The following ADGRL2 variants were observed in gnomAD, a reference collection of about 807,000 sequenced individuals.
ADGRL2 encodes the protein calcium-independent alpha-latrotoxin receptor 2.
Under a neutral mutation model 157.4 loss-of-function variants are expected in ADGRL2, and 44 were observed. The ratio of observed to expected loss-of-function variants is 0.28; its 90% CI spans 0.22 to 0.36. The LOEUF (loss-of-function observed/expected upper bound fraction) is 0.36, where lower values mean the gene tolerates loss of function less well. Ranked by LOEUF, ADGRL2 falls within the 10% of genes least tolerant of loss-of-function variation. ADGRL2 has a pLI of 1.00. For synonymous variants in ADGRL2, 585 were observed against 624.7 expected (o/e 0.94, Z 0.95); for missense variants, 1,510 against 1,768.9 (o/e 0.85, Z 2.63).
chr1:81,367,704 C>T (rs1293613655), intron 1 of ADGRL2, among the ~76,000 whole-genome samples: 1 of 152,180 alleles, frequency 6.6e-6, no homozygotes, highest in Non-Finnish European at 1.5e-5. Flanking sequence ...AGGCATGTGC[C>T]ACCACACCCA....
intron 2 of ADGRL2, among the ~76,000 whole-genome samples, chr1:81,899,504 A>G (rs561336738): frequency 2.0e-5 from 3 of 152,256 alleles, no homozygotes; most frequent in East Asian, 1.9e-4. Context: ...GGGGGGAAAA[A>G]CTGTCTTTTC....
At chr1:81,539,740 C>T (rs889081595) in intron 2 of ADGRL2, among the ~76,000 whole-genome samples, 2 of 151,862 alleles carry the variant, frequency 1.3e-5, no homozygotes, top group African/African-American at 4.8e-5. Context: ...CTACGATTTC[C>T]ATTTCAGAGA....
chr1:81,321,864 G>C (rs1660526110), intron 1 of ADGRL2, among the ~76,000 whole-genome samples: 1 of 151,052 alleles, frequency 6.6e-6, no homozygotes. Context: ...TAGACTTGCT[G>C]GACCAAAGTT....
chr1:81,865,287 A>G (rs1475705138), intron 2 of ADGRL2, among the ~76,000 whole-genome samples: 8 of 152,180 alleles, frequency 5.3e-5, no homozygotes, highest in Admixed American at 3.3e-4. Context: ...GAGTTGATGA[A>G]TGACAGCCAT....
intron 2 of ADGRL2, among the ~76,000 whole-genome samples, chr1:81,779,400 T>C (rs1433062978): frequency 1.3e-5 from 2 of 152,184 alleles, no homozygotes; most frequent in Non-Finnish European, 2.9e-5. Flanking sequence ...CTTTCTCTTT[T>C]TCATGAATGA....
At chr1:81,422,187 CT>C (rs33976349) in intron 1 of ADGRL2, among the ~76,000 whole-genome samples, 32,896 of 151,632 alleles carry the variant, frequency 0.22, 4,588 homozygotes, top group Non-Finnish European at 0.31. Flanking sequence ...TCTCAAACTT[CT>C]TTTTTTTTTA....
At chr1:81,597,104 GA>G (rs1286454379) in intron 3 of ADGRL2, among the ~76,000 whole-genome samples, 4 of 152,128 alleles carry the variant, frequency 2.6e-5, no homozygotes, top group Admixed American at 2.0e-4. Flanking sequence ...TTCTTCCTGA[GA>G]AAAGTATGTA....
chr1:81,319,173 C>G (rs2100606208), intron 1 of ADGRL2, among the ~76,000 whole-genome samples: 1 of 151,678 alleles, frequency 6.6e-6, no homozygotes, highest in South Asian at 2.1e-4. Context: ...TCTTGAACTC[C>G]CGACCTCAAG....
intron 2 of ADGRL2, among the ~76,000 whole-genome samples, chr1:81,558,918 C>G (rs2080376898): frequency 6.6e-6 from 1 of 152,168 alleles, no homozygotes; most frequent in Non-Finnish European, 1.5e-5. Context: ...GGCATTTGAA[C>G]TGGCTCACAA....
chr1:81,509,876 A>G (rs1251678068), intron 2 of ADGRL2, among the ~76,000 whole-genome samples: 1 of 152,188 alleles, frequency 6.6e-6, no homozygotes, highest in African/African-American at 2.4e-5. Context: ...AGTGAAATAC[A>G]TGCTCAGGAC....
At chr1:81,615,336 G>A (rs546053766) in intron 3 of ADGRL2, among the ~76,000 whole-genome samples, 89 of 152,314 alleles carry the variant, frequency 5.8e-4, no homozygotes, top group Admixed American at 1.7e-3. Context: ...AGCCAGCAGC[G>A]GCAACCCACT....
intron 2 of ADGRL2, among the ~76,000 whole-genome samples, chr1:81,451,148 T>C (rs1258014372): frequency 1.3e-5 from 2 of 151,962 alleles, no homozygotes; most frequent in African/African-American, 2.4e-5. Context: ...TGATCATACC[T>C]TTTTTCTTGT....
At chr1:81,449,534 G>GA (rs1396066710) in intron 2 of ADGRL2, among the ~76,000 whole-genome samples, 1 of 152,120 alleles carries the variant, frequency 6.6e-6, no homozygotes, top group Non-Finnish European at 1.5e-5. Flanking sequence ...AGTATGAGTG[G>GA]AAAAAATTCA....
intron 1 of ADGRL2, among the ~76,000 whole-genome samples, chr1:81,385,247 T>C (rs2076415019): frequency 6.6e-6 from 1 of 152,170 alleles, no homozygotes; most frequent in Non-Finnish European, 1.5e-5. Flanking sequence ...AGATACAGCT[T>C]TCGGGGCTTG....
intron 1 of ADGRL2, among the ~76,000 whole-genome samples, chr1:81,311,606 A>T (rs1007731004): frequency 2.0e-5 from 3 of 152,276 alleles, no homozygotes; most frequent in African/African-American, 4.8e-5. Context: ...TATATTTTTT[A>T]AAATTTGTTT....
In ADGRL2 at chr1:81,966,409, G is replaced by A; in HGVS notation, c.2149G>A (p.Ala717Thr). 2 of 1,613,900 alleles carry A rather than the reference G, an allele frequency of 1.2e-6. No homozygotes were observed. Among genetic ancestry groups the A allele is most frequent in the Non-Finnish European group, 1.7e-6 (2 of 1,179,898 alleles). ...TVKQNSRNGL[A>T]KLVFIIYRSL... ...GACTATTTTTACCTTCCTAGGGCTT[G>A]CAAAGTTGGTGTTCATCATTTACCG... Residue 717 changes from alanine to threonine, a missense_variant, in exon 13 of 24, where the codon GCA becomes ACA. Coordinates refer to ENST00000686636, the MANE Select transcript of ADGRL2 (RefSeq NM_001366006.2).
At chr1:81,405,644 A>AAG (rs1489098887) in intron 1 of ADGRL2, among the ~76,000 whole-genome samples, 3 of 151,530 alleles carry the variant, frequency 2.0e-5, no homozygotes, top group African/African-American at 7.3e-5. Context: ...AAAAAAAAAA[A>AAG]AGGAAATAAA....
chr1:81,354,129 A>G (rs1200718806), intron 1 of ADGRL2, among the ~76,000 whole-genome samples: 1 of 152,196 alleles, frequency 6.6e-6, no homozygotes, highest in Non-Finnish European at 1.5e-5. Flanking sequence ...AGTCTAATTT[A>G]ATGGGTAGTT....
chr1:81,484,229 T>G (rs908090271), intron 2 of ADGRL2, among the ~76,000 whole-genome samples: 1 of 152,198 alleles, frequency 6.6e-6, no homozygotes, highest in East Asian at 1.9e-4. Flanking sequence ...TCTATTTCCT[T>G]ATTAATTCTA....
Sources: allele counts gnomAD v4.1 joint callset (sites outside exome capture counted in the v4.1 genomes callset), GRCh38; gene constraint gnomAD v4.1.1; transcripts MANE v1.5; gene names NCBI Gene and HGNC (gene_info 2026-07-23, HGNC 2026-07-21).